DPYSL2: variants seen among roughly 807,000 people sequenced by gnomAD.
DPYSL2 encodes the protein dihydropyrimidinase-related protein 2.
DPYSL2 carries 13 observed loss-of-function variants against 69.9 expected under a neutral mutation model. The observed-to-expected ratio is 0.19, with a 90% CI of 0.12 to 0.30. The LOEUF is 0.30. DPYSL2 is among the 10% of genes least tolerant of loss of function. The pLI, the probability that DPYSL2 is intolerant of heterozygous loss-of-function variation, is 1.00. For synonymous variants in DPYSL2, 326 were observed against 359.1 expected (o/e 0.91, Z 1.04); for missense variants, 587 against 918.9 (o/e 0.64, Z 4.67).
At chr8:26,615,205 C>T (rs961938117) in intron 3 of DPYSL2, among the ~76,000 whole-genome samples, 6 of 152,074 alleles carry the variant, frequency 3.9e-5, no homozygotes, top group Non-Finnish European at 8.8e-5. Flanking sequence ...CTCAGGGGGC[C>T]GTTGCGAGGA....
chr8:26,577,727 T>C (rs2129713806), intron 1 of DPYSL2: 1 of 860,466 alleles, frequency 1.2e-6, no homozygotes. Flanking sequence ...AAAGGCGCGC[T>C]CCCAGCGCGG....
In DPYSL2 at chr8:26,516,148, C is replaced by T. The variant is rs73224163; in HGVS notation, c.354+1469C>T. 0.045 allele frequency among the ~76,000 whole-genome samples: 6,922 copies of T among 152,310 alleles called. 230 individuals are homozygous for T. Among genetic ancestry groups the T allele is most frequent in the Middle Eastern group, 0.11 (31 of 294 alleles). On this transcript the variant is annotated intron_variant, in intron 1 of 13. Coordinates refer to ENST00000521913, the MANE Select transcript of DPYSL2 (RefSeq NM_001197293.3). The surrounding 1 kb of genome is among the most constrained non-coding windows in gnomAD (Gnocchi z 4.8). ...ATTTATATCCAACCCCAGCCCTGCC[C>T]TCTAATTTATTCATATAAGGGAGTG...
intron 3 of DPYSL2, among the ~76,000 whole-genome samples, chr8:26,594,933 G>A: frequency 6.6e-6 from 1 of 152,152 alleles, no homozygotes; most frequent in African/African-American, 2.4e-5. Flanking sequence ...TGTAATCCCA[G>A]CACTTTGGGA....
intron 1 of DPYSL2, among the ~76,000 whole-genome samples, chr8:26,532,182 T>G (rs935693621): frequency 2.0e-5 from 3 of 152,000 alleles, no homozygotes; most frequent in Non-Finnish European, 4.4e-5. Flanking sequence ...TGCTGGAGGA[T>G]GATCAGGGCT....
In DPYSL2 at chr8:26,586,485, G is replaced by A. The variant is rs1169928119; in HGVS notation, c.628+2502G>A. ...TCTCCTGTCCTGCATTCCTGGGTCT[G>A]CCTCTTCCCTCCACACGCTCGCCCC... On this transcript the variant is annotated intron_variant, in intron 3 of 13. Transcript: ENST00000521913. The surrounding 1 kb of genome is among the most constrained non-coding windows in gnomAD (Gnocchi z 4.7). Among the ~76,000 whole-genome samples, 3 of 152,144 alleles carry A rather than the reference G, an allele frequency of 2.0e-5. No homozygotes were observed.
At position 26,647,618 on chromosome 8, in the gene DPYSL2, T is replaced by C. The variant is rs1563198946; in HGVS notation, c.1426-12T>C. On this transcript the variant is annotated splice_polypyrimidine_tract_variant and intron_variant, in intron 10 of 13. Transcript: ENST00000521913. The surrounding 1 kb of genome is among the most constrained non-coding windows in gnomAD (Gnocchi z 5.1). ...GTGTGCCTCCTGTGCACACCTATGC[T>C]GTCTCCCTCAGGTCACTGGGAAGAT... The C allele has an allele frequency of 6.2e-7, 1 of 1,608,278 alleles. No homozygotes were observed. The highest frequency in any genetic ancestry group is 1.7e-5 in the Admixed American group (1 of 58,726).
chr8:26,524,600 C>A (rs746739068), intron 1 of DPYSL2, among the ~76,000 whole-genome samples: 1 of 151,976 alleles, frequency 6.6e-6, no homozygotes, highest in Non-Finnish European at 1.5e-5. Context: ...GAGTTTGAGA[C>A]CAGCCTGGCC....
intron 1 of DPYSL2, among the ~76,000 whole-genome samples, chr8:26,530,437 G>C (rs1481508052): frequency 6.6e-6 from 1 of 152,174 alleles, no homozygotes; most frequent in Non-Finnish European, 1.5e-5. Context: ...ATCTTAATTG[G>C]ATGTGGACTT....
Position 26,627,286 on chromosome 8 carries a change from C to T in DPYSL2, c.927C>T (p.Ile309=). The change falls in exon 6 of 14, where the codon ATC becomes ATT. Residue 309 remains isoleucine (I), a synonymous_variant. Coordinates refer to ENST00000521913, the MANE Select transcript of DPYSL2 (RefSeq NM_001197293.3). This position sits in a 1 kb window ranked among gnomAD's most constrained non-coding sequence, Gnocchi z 6.9. ...AAGTCCACGCAGAAAATGGCGACAT[C>T]ATTGCAGAGGTACAGGGCTTTCTTT... The part of the protein sequence containing the change: ...IAQVHAENGD[I]IAEEQQRILD... The T allele has an allele frequency of 1.2e-6, 2 of 1,614,166 alleles. No individual in the cohort carries two copies. Among genetic ancestry groups the T allele is most frequent in the Non-Finnish European group, 8.5e-7 (1 of 1,180,010 alleles).
chr8:26,572,898 T>C (rs1016471334), intron 1 of DPYSL2, among the ~76,000 whole-genome samples: 32 of 152,222 alleles, frequency 2.1e-4, no homozygotes, highest in Non-Finnish European at 2.9e-4. Context: ...TCGGTGAGGA[T>C]TGTATTGTGT....
intron 1 of DPYSL2, among the ~76,000 whole-genome samples, chr8:26,515,297 CCCGAGGAAA>C (rs1198733348): frequency 6.6e-6 from 1 of 152,156 alleles, no homozygotes; most frequent in African/African-American, 2.4e-5. Context: ...TGTGGAGTCA[CCCGAGGAAA>C]CCGAGACGCT....
At chr8:26,604,328 T>G (rs539220469) in intron 3 of DPYSL2, among the ~76,000 whole-genome samples, 25 of 152,302 alleles carry the variant, frequency 1.6e-4, no homozygotes, top group African/African-American at 6.0e-4. Flanking sequence ...TAGTGAGGTG[T>G]GATTGGGTCC....
intron 3 of DPYSL2, among the ~76,000 whole-genome samples, chr8:26,602,349 C>T (rs761366015): frequency 2.0e-4 from 30 of 152,040 alleles, no homozygotes; most frequent in Non-Finnish European, 3.7e-4. Flanking sequence ...TCCTAAATCC[C>T]GCAACACTAA....
In DPYSL2 at chr8:26,653,342, C is replaced by G; in HGVS notation, c.1887C>G (p.Ala629=). 1 of 1,614,138 alleles carries G rather than the reference C, an allele frequency of 6.2e-7. No homozygotes were observed. Among genetic ancestry groups the G allele is most frequent in the African/African-American group, 1.3e-5 (1 of 75,032 alleles). ...CCTCCTCGGCCAAGACGTCTCCTGCCAAGCAGCAGGCCCCACCTGTCCGGA... is the reference window on the plus strand; with the variant it reads ...CCTCCTCGGCCAAGACGTCTCCTGCGAAGCAGCAGGCCCCACCTGTCCGGA... The part of the protein sequence containing the change: ...TPASSAKTSP[A]KQQAPPVRNL... Residue 629 remains alanine (A), a synonymous_variant, in exon 13 of 14, where the codon GCC becomes GCG. Transcript: ENST00000521913. This position sits in a 1 kb window ranked among gnomAD's most constrained non-coding sequence, Gnocchi z 5.7.
chr8:26,544,235 G>A (rs1250466419), intron 1 of DPYSL2, among the ~76,000 whole-genome samples: 2 of 152,148 alleles, frequency 1.3e-5, no homozygotes, highest in African/African-American at 2.4e-5. Context: ...AAAAGACAAT[G>A]CATGGACATA....
At chr8:26,629,304 A>G (rs1446938941) in intron 7 of DPYSL2, among the ~76,000 whole-genome samples, 1 of 151,974 alleles carries the variant, frequency 6.6e-6, no homozygotes, top group Non-Finnish European at 1.5e-5. Flanking sequence ...ACAGCCATAG[A>G]CACCTACACA....
rs1801657237 is a variant in DPYSL2, at chr8:26,588,675, TC to T, written c.628+4695del. 6.6e-6 allele frequency among the ~76,000 whole-genome samples: 1 copy of T among 152,030 alleles called. No homozygotes were observed. Among genetic ancestry groups the T allele is most frequent in the East Asian group, 1.9e-4 (1 of 5,168 alleles). ...GCTGCCGCAGGGCTGGAAGGGGCCC[TC>T]CCTCCTGAGTACCAGCCTTGTCACT... is the stretch of plus-strand genomic sequence containing the variant. On this transcript the variant is annotated intron_variant, in intron 3 of 13. Coordinates refer to ENST00000521913, the MANE Select transcript of DPYSL2 (RefSeq NM_001197293.3). The surrounding 1 kb of genome is among the most constrained non-coding windows in gnomAD (Gnocchi z 5.4).
rs1418005438 is a variant in DPYSL2 at position 26,619,913 on chromosome 8, A to G, written c.629-4230A>G. 6.6e-6 allele frequency: 1 copy of G among 152,162 alleles called. No individual in the cohort carries two copies. Among genetic ancestry groups the G allele is most frequent in the Non-Finnish European group, 1.5e-5 (1 of 68,052 alleles). The allele number at this position is 152,162 out of a possible 1,614,324, so 9.4% of individuals were successfully genotyped here. ...TTACTGTGCACCCTGAAGTCTGAGGAGTCTAGCACCAGATGATCTGACGAC... is the reference window on the plus strand; with the variant it reads ...TTACTGTGCACCCTGAAGTCTGAGGGGTCTAGCACCAGATGATCTGACGAC... On this transcript the variant is annotated intron_variant, in intron 3 of 13. Transcript: ENST00000521913. This position sits in a 1 kb window ranked among gnomAD's most constrained non-coding sequence, Gnocchi z 4.8.
rs73678803 is a variant in DPYSL2 at position 26,514,355 on chromosome 8, G to T, written c.30G>T (p.Ala10=). Residue 10 remains alanine, a synonymous_variant, in exon 1 of 14, where the codon GCG becomes GCT. Transcript: ENST00000521913. The surrounding 1 kb of genome is among the most constrained non-coding windows in gnomAD (Gnocchi z 8.4). MAERKQSGK[A]AEDEEVPAFF... ...CCGAGAGAAAGCAATCCGGGAAGGC[G>T]GCAGAGGACGAAGAGGTCCCTGCTT... The T allele has an allele frequency of 3.4e-6, 5 of 1,480,776 alleles. No homozygotes were observed. The South Asian group carries it at 3.9e-5, about 12-fold the overall frequency. The allele number at this position is 1,480,776 out of a possible 1,614,324, so 91.7% of individuals were successfully genotyped here.
Sources: allele counts gnomAD v4.1 joint callset (sites outside exome capture counted in the v4.1 genomes callset), GRCh38; gene constraint gnomAD v4.1.1; non-coding constraint Gnocchi (gnomAD v3.1); transcripts MANE v1.5; gene names NCBI Gene and HGNC (gene_info 2026-07-23, HGNC 2026-07-21).